Variants in CNTLN observed in about 807,000 individuals in gnomAD.
CNTLN encodes centlein, centrosomal protein.
Under a neutral mutation model 180.0 loss-of-function variants are expected in CNTLN, and 212 were observed. That is an observed-to-expected ratio of 1.18 (90% CI 1.05 to 1.32). CNTLN has a LOEUF of 1.32. Ranked by LOEUF, CNTLN falls within the 40% of genes most tolerant of loss-of-function variation. The pLI, the probability that CNTLN is intolerant of heterozygous loss-of-function variation, is 0.00. For synonymous variants in CNTLN, 722 were observed against 563.1 expected, an observed-to-expected ratio of 1.28 and a Z score of -3.99; for missense variants, 2,095 against 1,610.9, an observed-to-expected ratio of 1.30 and a Z score of -5.14.
chr9:17,376,532 A>G (rs12002261), intron 13 of CNTLN, among the ~76,000 whole-genome samples: 2,834 of 151,784 alleles, frequency 0.019, 85 homozygotes, highest in African/African-American at 0.065. Context: ...TCTCACTGCA[A>G]GCTCCGCCTC....
At chr9:17,169,448 T>C (rs1820289196) in intron 2 of CNTLN, among the ~76,000 whole-genome samples, 1 of 152,206 alleles carries the variant, frequency 6.6e-6, no homozygotes, top group Admixed American at 6.5e-5. Context: ...TGAAATCAAA[T>C]ATTAAACTGG....
chr9:17,144,970 T>G (rs1818353113), intron 2 of CNTLN, among the ~76,000 whole-genome samples: 1 of 150,670 alleles, frequency 6.6e-6, no homozygotes, highest in Non-Finnish European at 1.5e-5. Context: ...GCCTCCCGAG[T>G]AGCTGGGACT....
intron 6 of CNTLN, among the ~76,000 whole-genome samples, chr9:17,294,827 GGC>G (rs1817716215): frequency 3.9e-5 from 1 of 25,818 alleles, no homozygotes; most frequent in Non-Finnish European, 6.9e-5. Flanking sequence ...AAGGGGGGAG[GGC>G]GGGGAGGAGG....
intron 2 of CNTLN, among the ~76,000 whole-genome samples, chr9:17,178,430 C>T (rs534903786): frequency 1.6e-4 from 24 of 152,258 alleles, no homozygotes; most frequent in African/African-American, 4.6e-4. Context: ...AGCCCTTGGG[C>T]GGTAGATGGG....
At chr9:17,414,177 G>T (rs1328682537) in intron 16 of CNTLN, among the ~76,000 whole-genome samples, 3 of 152,154 alleles carry the variant, frequency 2.0e-5, no homozygotes, top group African/African-American at 7.2e-5. Context: ...GGGATTGTCA[G>T]TTCTACATTT....
chr9:17,415,069 A>C (rs2133879673), intron 16 of CNTLN, among the ~76,000 whole-genome samples: 1 of 152,112 alleles, frequency 6.6e-6, no homozygotes, highest in South Asian at 2.1e-4. Context: ...CTGAGTGACA[A>C]AGCCAAACTC....
intron 5 of CNTLN, among the ~76,000 whole-genome samples, chr9:17,273,221 A>G (rs1390740864): frequency 6.6e-6 from 1 of 152,186 alleles, no homozygotes; most frequent in Non-Finnish European, 1.5e-5. Flanking sequence ...TCAGCTTTCA[A>G]GAACTTTAGG....
chr9:17,491,635 T>G (rs1283262810), intron 25 of CNTLN, among the ~76,000 whole-genome samples: 2 of 151,954 alleles, frequency 1.3e-5, no homozygotes, highest in East Asian at 3.9e-4. Flanking sequence ...GTATAGATCA[T>G]TTTCTTCTAT....
intron 23 of CNTLN, among the ~76,000 whole-genome samples, chr9:17,470,242 T>C (rs112442145): frequency 3.9e-4 from 59 of 152,012 alleles, no homozygotes; most frequent in South Asian, 8.3e-4. Flanking sequence ...ACTGGACTTA[T>C]AGTCACTGCT....
intron 6 of CNTLN, among the ~76,000 whole-genome samples, chr9:17,274,236 T>C (rs1272356560): frequency 1.3e-5 from 2 of 152,094 alleles, no homozygotes; most frequent in Admixed American, 1.3e-4. Context: ...TATTATATTC[T>C]ATATAGTTTG....
chr9:17,481,623 C>T (rs1184406162), intron 23 of CNTLN, among the ~76,000 whole-genome samples: 1 of 152,198 alleles, frequency 6.6e-6, no homozygotes, highest in Non-Finnish European at 1.5e-5. Context: ...CAACCAGCAG[C>T]AATATTTGAC....
intron 18 of CNTLN, among the ~76,000 whole-genome samples, chr9:17,425,108 A>G (rs76671958): frequency 0.042 from 6,422 of 152,200 alleles, 337 homozygotes; most frequent in East Asian, 0.25. Context: ...ATATGAATGG[A>G]TGAGTTATTT....
intron 5 of CNTLN, among the ~76,000 whole-genome samples, chr9:17,256,893 A>G (rs2132320897): frequency 6.6e-6 from 1 of 151,998 alleles, no homozygotes; most frequent in South Asian, 2.1e-4. Context: ...TTCAGAATGA[A>G]TGATTCCATT....
intron 12 of CNTLN, among the ~76,000 whole-genome samples, chr9:17,352,358 C>G (rs1199442689): frequency 1.4e-5 from 2 of 147,222 alleles, no homozygotes; most frequent in East Asian, 3.9e-4. Context: ...TTTTCCTCTG[C>G]AAAGCAAGAC....
chr9:17,437,181 C>T (rs1829828336), intron 18 of CNTLN, among the ~76,000 whole-genome samples: 1 of 152,196 alleles, frequency 6.6e-6, no homozygotes, highest in Non-Finnish European at 1.5e-5. Context: ...TTGGACGTGA[C>T]TGTCTTATTC....
At chr9:17,309,486 G>C (rs556401717) in intron 8 of CNTLN, among the ~76,000 whole-genome samples, 57 of 152,150 alleles carry the variant, frequency 3.7e-4, no homozygotes, top group South Asian at 3.5e-3. Context: ...TATAGTTATC[G>C]TGATGAAACA....
In CNTLN at chr9:17,234,568, G is replaced by A. The variant is rs113344965; in HGVS notation, c.535-1090G>A. ...TTTCAGTTTATTCCCAAGTCCTTTG[G>A]AGACAATTTGATAAGGAAGAAATGT... On this transcript the variant is annotated intron_variant, in intron 3 of 25. Coordinates refer to ENST00000380647, the MANE Select transcript of CNTLN (RefSeq NM_017738.4). Among the ~76,000 whole-genome samples the A allele has an allele frequency of 5.9e-3, 894 of 152,080 alleles. 14 individuals carry two copies. Among genetic ancestry groups the A allele is most frequent in the African/African-American group, 0.021 (855 of 41,478 alleles).
chr9:17,460,917 A>T (rs2134178871), intron 19 of CNTLN, among the ~76,000 whole-genome samples: 1 of 151,756 alleles, frequency 6.6e-6, no homozygotes, highest in Non-Finnish European at 1.5e-5. Context: ...TATGCGTATT[A>T]AGGGGTAGGA....
chr9:17,327,086 G>A (rs1172322878), intron 8 of CNTLN, among the ~76,000 whole-genome samples: 2 of 152,022 alleles, frequency 1.3e-5, no homozygotes, highest in Non-Finnish European at 2.9e-5. Context: ...GTGGGTGGGG[G>A]TAGGAGGTCA....
Sources: gnomAD v4.1 joint callset for allele counts (sites outside exome capture counted in the v4.1 genomes callset) on GRCh38, gnomAD v4.1.1 for gene constraint, MANE v1.5 for transcripts, NCBI Gene and HGNC (gene_info 2026-07-23, HGNC 2026-07-21) for gene names.